ZNF148: variants seen among roughly 807,000 people sequenced by gnomAD.
The protein encoded by ZNF148 is Beta-Enolase Repressor Factor-1.
In ZNF148, 7 loss-of-function variants were observed where a neutral mutation model predicts 67.7. The ratio of observed to expected loss-of-function variants is 0.10; its 90% CI spans 0.06 to 0.19. The LOEUF (loss-of-function observed/expected upper bound fraction) is 0.19, where lower values mean the gene tolerates loss of function less well. Among genes scored for constraint, ZNF148 ranks in the 10% least tolerant of loss-of-function variants. The pLI, the probability that ZNF148 is intolerant of heterozygous loss-of-function variation, is 1.00. For missense variants in ZNF148, 583 were observed against 947.1 expected (o/e 0.62, Z 5.05); for synonymous variants, 333 against 330.7 (o/e 1.01, Z -0.08).
intron 7 of ZNF148, among the ~76,000 whole-genome samples, chr3:125,241,336 G>C (rs1936349060): frequency 6.9e-6 from 1 of 144,906 alleles, no homozygotes; most frequent in African/African-American, 2.5e-5. Flanking sequence ...TTTTTTTAAA[G>C]ACAGGGTCTC....
At chr3:125,275,766 T>TA (rs770636972) in intron 7 of ZNF148, among the ~76,000 whole-genome samples, 22 of 152,230 alleles carry the variant, frequency 1.4e-4, no homozygotes, top group Non-Finnish European at 2.5e-4. Context: ...AGCACTTTTT[T>TA]AAAAAAAGAA....
intron 4 of ZNF148, among the ~76,000 whole-genome samples, chr3:125,298,027 T>C (rs1014954175): frequency 3.3e-5 from 5 of 152,122 alleles, no homozygotes; most frequent in Non-Finnish European, 5.9e-5. Context: ...TGCAATAACA[T>C]GGGTATATCT....
intron 3 of ZNF148, among the ~76,000 whole-genome samples, chr3:125,322,402 T>C (rs554228727): frequency 6.6e-6 from 1 of 152,196 alleles, no homozygotes; most frequent in Admixed American, 6.5e-5. Flanking sequence ...TCTCTCCTTC[T>C]TATGCAGTAA....
At chr3:125,246,099 TTA>T (rs537990626) in intron 7 of ZNF148, among the ~76,000 whole-genome samples, 2 of 152,344 alleles carry the variant, frequency 1.3e-5, no homozygotes, top group South Asian at 2.1e-4. Context: ...CAATTCTTTG[TTA>T]TGACAGCAAA....
rs71148176 is a variant in ZNF148 at position 125,336,677 on chromosome 3, C to CTTTTTTTTTT, written c.-233-5449_-233-5440dup. ...TCAAACCAACCACCCCAGAAATCAC[C>CTTTTTTTTTT]TTTTTTTTTTTTTTTTTTGAGATGT... On this transcript the variant is annotated intron_variant, in intron 1 of 8. Transcript: ENST00000360647. Among the ~76,000 whole-genome samples the CTTTTTTTTTT allele has an allele frequency of 1.5e-3, 142 of 95,324 alleles. 7 individuals are homozygous for CTTTTTTTTTT. The highest frequency in any genetic ancestry group is 3.9e-3 in the African/African-American group (88 of 22,470). The allele number at this position is 95,324 out of a possible 152,430, so 62.5% of individuals were successfully genotyped here.
intron 2 of ZNF148, among the ~76,000 whole-genome samples, chr3:125,329,345 TTTTACATATATAA>T (rs1559760688): frequency 2.9e-3 from 42 of 14,682 alleles, no homozygotes; most frequent in African/African-American, 0.015. Flanking sequence ...ATATATAAAA[TTTTACATATATAA>T]AATTTTTTTT....
intron 3 of ZNF148, among the ~76,000 whole-genome samples, chr3:125,314,052 T>A (rs181322369): frequency 6.6e-6 from 1 of 152,172 alleles, no homozygotes; most frequent in Non-Finnish European, 1.5e-5. Context: ...GCAAATCATT[T>A]TTAAAAATTT....
intron 6 of ZNF148, 99 bp from the exon 7 acceptor site, chr3:125,277,908 G>A (rs1938158091): frequency 1.1e-6 from 1 of 890,464 alleles, no homozygotes; most frequent in South Asian, 2.4e-5. Flanking sequence ...CCCAAATTTT[G>A]GAAAATTACA....
intron 1 of ZNF148, among the ~76,000 whole-genome samples, chr3:125,341,880 C>G (rs1941736792): frequency 6.6e-6 from 1 of 151,760 alleles, no homozygotes; most frequent in African/African-American, 2.4e-5. Context: ...CCTGTAGTCC[C>G]AGCTACTCAG....
intron 7 of ZNF148, among the ~76,000 whole-genome samples, chr3:125,274,306 CTAAA>C (rs1170067352): frequency 3.3e-5 from 5 of 152,168 alleles, no homozygotes; most frequent in African/African-American, 9.6e-5. Context: ...AAAACATCAC[CTAAA>C]TAAAGGATCT....
chr3:125,328,155 GC>G (rs1941110015), intron 2 of ZNF148, among the ~76,000 whole-genome samples: 1 of 151,986 alleles, frequency 6.6e-6, no homozygotes. Context: ...AGAAAAAGAA[GC>G]AAAAGTCAAA....
chr3:125,306,104 T>C (rs1939861857), intron 4 of ZNF148, among the ~76,000 whole-genome samples: 1 of 151,860 alleles, frequency 6.6e-6, no homozygotes. Flanking sequence ...CAAAAAGAAA[T>C]AAAGGAAGTT....
At chr3:125,292,242 G>C (rs943551711) in intron 4 of ZNF148, among the ~76,000 whole-genome samples, 2 of 152,056 alleles carry the variant, frequency 1.3e-5, no homozygotes, top group Middle Eastern at 3.2e-3. Flanking sequence ...ATCCATGACC[G>C]CATGCAAAAT....
At chr3:125,262,748 G>C (rs1451806917) in intron 7 of ZNF148, among the ~76,000 whole-genome samples, 1 of 152,162 alleles carries the variant, frequency 6.6e-6, no homozygotes, top group East Asian at 1.9e-4. Context: ...CTATATAATA[G>C]AGTAAATCAG....
At chr3:125,268,346 T>C (rs1937585789) in intron 7 of ZNF148, among the ~76,000 whole-genome samples, 1 of 150,222 alleles carries the variant, frequency 6.7e-6, no homozygotes, top group Non-Finnish European at 1.5e-5. Flanking sequence ...AGCATGGTAC[T>C]GGTACAAAAA....
intron 7 of ZNF148, among the ~76,000 whole-genome samples, chr3:125,235,969 AG>A (rs1192489317): frequency 1.1e-5 from 1 of 89,680 alleles, no homozygotes; most frequent in Non-Finnish European, 2.1e-5. Context: ...GGGAGGGGGG[AG>A]GGATAGCATT....
chr3:125,271,131 G>A (rs1455837324), intron 7 of ZNF148, among the ~76,000 whole-genome samples: 1 of 152,124 alleles, frequency 6.6e-6, no homozygotes, highest in Admixed American at 6.5e-5. Context: ...TCACAAAACA[G>A]TATTTTTTTA....
chr3:125,360,757 T>C (rs1326186803), intron 1 of ZNF148, among the ~76,000 whole-genome samples: 1 of 151,020 alleles, frequency 6.6e-6, no homozygotes, highest in Non-Finnish European at 1.5e-5. Context: ...GGAGGGAAGA[T>C]CGCTTGAGAC....
At chr3:125,254,696 A>ATT (rs34847960) in intron 7 of ZNF148, among the ~76,000 whole-genome samples, 3 of 149,588 alleles carry the variant, frequency 2.0e-5, no homozygotes, top group Admixed American at 6.7e-5. Context: ...CATACACTGC[A>ATT]TTTTTTTTTC....
Sources: gnomAD v4.1 joint callset for allele counts (sites outside exome capture counted in the v4.1 genomes callset) on GRCh38, gnomAD v4.1.1 for gene constraint, MANE v1.5 for transcripts, NCBI Gene and HGNC (gene_info 2026-07-23, HGNC 2026-07-21) for gene names.